Variants in SLC7A1 observed in about 807,000 individuals in gnomAD.
SLC7A1 encodes solute carrier family 7 member 1, also known as high affinity cationic amino acid transporter 1.
SLC7A1 carries 10 observed loss-of-function variants against 53.9 expected under a neutral mutation model. That is an observed-to-expected ratio of 0.19 (90% CI 0.11 to 0.31). The LOEUF (loss-of-function observed/expected upper bound fraction) is 0.31. SLC7A1 is among the 10% of genes least tolerant of loss of function. SLC7A1 has a pLI of 1.00. For synonymous variants in SLC7A1, 342 were observed against 338.7 expected, an observed-to-expected ratio of 1.01 and a Z score of -0.11; for missense variants, 525 against 827.2, an observed-to-expected ratio of 0.63 and a Z score of 4.48.
chr13:29,552,635 G>T (rs1449705686), intron 2 of SLC7A1, among the ~76,000 whole-genome samples: 3 of 152,184 alleles, frequency 2.0e-5, no homozygotes, highest in African/African-American at 7.2e-5. Context: ...TATCAAGACC[G>T]ATCTGTGCCT....
At chr13:29,576,614 G>T (rs1049852930) in intron 1 of SLC7A1, among the ~76,000 whole-genome samples, 4 of 152,180 alleles carry the variant, frequency 2.6e-5, no homozygotes, top group African/African-American at 7.2e-5. Context: ...GGTCCACTTG[G>T]TCTGTTCATT....
At chr13:29,580,063 T>C (rs1480931597) in intron 1 of SLC7A1, among the ~76,000 whole-genome samples, 2 of 152,300 alleles carry the variant, frequency 1.3e-5, no homozygotes, top group East Asian at 3.9e-4. Context: ...GACTTCCTGT[T>C]TAGGGCTGGA....
chr13:29,582,561 G>T (rs1871693568), intron 1 of SLC7A1, among the ~76,000 whole-genome samples: 1 of 152,192 alleles, frequency 6.6e-6, no homozygotes, highest in Non-Finnish European at 1.5e-5. Flanking sequence ...GGGAGATGTG[G>T]TCTAATGGGC....
At chr13:29,559,869 C>T (rs1411463595) in intron 1 of SLC7A1, among the ~76,000 whole-genome samples, 1 of 152,018 alleles carries the variant, frequency 6.6e-6, no homozygotes, top group Non-Finnish European at 1.5e-5. Flanking sequence ...GCGCCCGCCA[C>T]CGCGCCCGGA....
rs73154449 is a variant in SLC7A1 at position 29,581,272 on chromosome 13, T to C, written c.-115+14144A>G. ...TTTTGATCAAGGAATGTTCTGGGAG[T>C]TTTCACAGGCGTTTGCAGAAAATAC... On this transcript the variant is annotated intron_variant, in intron 1 of 12. Coordinates refer to ENST00000380752, the MANE Select transcript of SLC7A1 (RefSeq NM_003045.5). Among the ~76,000 whole-genome samples the C allele has an allele frequency of 5.4e-3, 826 of 152,118 alleles. 3 individuals are homozygous for C. The highest frequency in any genetic ancestry group is 8.6e-3 in the Admixed American group (131 of 15,282).
intron 1 of SLC7A1, among the ~76,000 whole-genome samples, chr13:29,576,163 G>A (rs1183918961): frequency 6.6e-6 from 1 of 151,826 alleles, no homozygotes; most frequent in Non-Finnish European, 1.5e-5. Flanking sequence ...GTGGTGGAGT[G>A]CACCTGTAGT....
At chr13:29,543,288 C>T (rs1352188229) in intron 2 of SLC7A1, among the ~76,000 whole-genome samples, 1 of 152,200 alleles carries the variant, frequency 6.6e-6, no homozygotes, top group African/African-American at 2.4e-5. Context: ...TGGGCACTTC[C>T]ATATATCGAG....
chr13:29,516,890 C>T, intron 11 of SLC7A1: 1 of 419,498 alleles, frequency 2.4e-6, no homozygotes, highest in Non-Finnish European at 4.2e-6. Context: ...CTCTCTTGGC[C>T]TGTGTCATGC....
chr13:29,536,365 G>A (rs962790365), intron 2 of SLC7A1, among the ~76,000 whole-genome samples, 163 bp from the exon 3 acceptor site: 3 of 152,184 alleles, frequency 2.0e-5, no homozygotes, highest in Non-Finnish European at 2.9e-5. Context: ...TCAGAAGCAC[G>A]CAGACTTCTC....
intron 5 of SLC7A1, among the ~76,000 whole-genome samples, chr13:29,528,818 C>G (rs926576287): frequency 6.6e-6 from 1 of 152,118 alleles, no homozygotes; most frequent in Admixed American, 6.5e-5. Context: ...ATTGGGGCAA[C>G]AAATGCTGCT....
At chr13:29,535,708 C>T (rs961929637) in intron 3 of SLC7A1, 111 bp downstream of exon 3, 2 of 1,034,566 alleles carry the variant, frequency 1.9e-6, no homozygotes, top group South Asian at 1.6e-5. Flanking sequence ...TAATTCTGTG[C>T]CTCTCGTGTT....
intron 1 of SLC7A1, among the ~76,000 whole-genome samples, chr13:29,568,341 G>C (rs522946): frequency 6.6e-6 from 1 of 152,078 alleles, no homozygotes; most frequent in Non-Finnish European, 1.5e-5. Flanking sequence ...AAACCACGAC[G>C]ATGTATTACT....
intron 5 of SLC7A1, among the ~76,000 whole-genome samples, chr13:29,529,248 G>A (rs1224760508): frequency 2.6e-5 from 4 of 152,198 alleles, no homozygotes; most frequent in African/African-American, 9.6e-5. Context: ...TGCACCGAAT[G>A]CCATAGTTTC....
At chr13:29,583,808 A>T (rs187983363) in intron 1 of SLC7A1, among the ~76,000 whole-genome samples, 1 of 152,254 alleles carries the variant, frequency 6.6e-6, no homozygotes, top group Non-Finnish European at 1.5e-5. Context: ...CATTCTTCCC[A>T]GTTCAATAAA....
chr13:29,519,087 A>AG (rs1868503740), intron 9 of SLC7A1, among the ~76,000 whole-genome samples: 3 of 152,278 alleles, frequency 2.0e-5, no homozygotes, highest in Admixed American at 6.5e-5. Context: ...AACTCCTACC[A>AG]GGGCAGCCCT....
chr13:29,566,651 T>C (rs192210598), intron 1 of SLC7A1, among the ~76,000 whole-genome samples: 5 of 152,326 alleles, frequency 3.3e-5, no homozygotes, highest in Non-Finnish European at 4.4e-5. Flanking sequence ...AGTTTCCTTT[T>C]AGGGGTGACG....
intron 1 of SLC7A1, among the ~76,000 whole-genome samples, chr13:29,571,831 G>A (rs1025852402): frequency 2.6e-5 from 4 of 152,262 alleles, no homozygotes; most frequent in Admixed American, 6.5e-5. Context: ...TCCATATCCC[G>A]CTTTACGTCT....
intron 2 of SLC7A1, among the ~76,000 whole-genome samples, chr13:29,552,433 A>T (rs1310488567): frequency 6.6e-6 from 1 of 152,198 alleles, no homozygotes; most frequent in Non-Finnish European, 1.5e-5. Context: ...AAATGTTGGG[A>T]ACAGGCCCCC....
intron 1 of SLC7A1, among the ~76,000 whole-genome samples, chr13:29,588,627 C>T (rs192235670): frequency 5.6e-4 from 85 of 152,032 alleles, no homozygotes; most frequent in African/African-American, 1.8e-3. Context: ...TCTCAGCCTC[C>T]CGAGTAGCTG....
Sources: allele counts gnomAD v4.1 joint callset (sites outside exome capture counted in the v4.1 genomes callset), GRCh38; gene constraint gnomAD v4.1.1; transcripts MANE v1.5; gene names NCBI Gene and HGNC (gene_info 2026-07-23, HGNC 2026-07-21).